GRIK2: variants seen among roughly 807,000 people sequenced by gnomAD.
GRIK2 encodes glutamate ionotropic receptor kainate type subunit 2.
GRIK2 carries 32 observed loss-of-function variants against 100.3 expected under a neutral mutation model. The observed-to-expected ratio is 0.32, with a 90% CI of 0.24 to 0.43. The LOEUF is 0.43. Among genes scored for constraint, GRIK2 ranks in the 20% least tolerant of loss-of-function variants. GRIK2 has a pLI of 1.00. For missense variants in GRIK2, 843 were observed against 1,114.9 expected (o/e 0.76, Z 3.47); for synonymous variants, 417 against 389.4 (o/e 1.07, Z -0.83).
intron 8 of GRIK2, 114 bp downstream of exon 8, chr6:101,799,905 T>C: frequency 1.3e-6 from 1 of 788,478 alleles, no homozygotes; most frequent in Non-Finnish European, 2.0e-6. Context: ...ATTTAAATTT[T>C]CTCTCTTACT....
intron 10 of GRIK2, among the ~76,000 whole-genome samples, chr6:101,849,954 A>G (rs1784040297): frequency 6.6e-6 from 1 of 150,876 alleles, no homozygotes; most frequent in Admixed American, 6.7e-5. Context: ...TAAACTTTAC[A>G]AGTTTTTTAG....
chr6:101,662,984 T>C (rs778125345), intron 4 of GRIK2, among the ~76,000 whole-genome samples: 1 of 152,124 alleles, frequency 6.6e-6, no homozygotes, highest in Non-Finnish European at 1.5e-5. Flanking sequence ...CTAAAGACTT[T>C]GGGGTTGATG....
intron 12 of GRIK2, among the ~76,000 whole-genome samples, chr6:101,917,894 G>A (rs1487987244): frequency 1.3e-5 from 2 of 150,934 alleles, no homozygotes; most frequent in African/African-American, 4.9e-5. Flanking sequence ...TATGAAAATA[G>A]TATGTAATGA....
chr6:101,425,771 T>C (rs1052307949), intron 2 of GRIK2, among the ~76,000 whole-genome samples: 4 of 152,188 alleles, frequency 2.6e-5, no homozygotes, highest in African/African-American at 9.6e-5. Flanking sequence ...TTGTCAACTC[T>C]GCTCTCTGCA....
chr6:101,950,952 G>A (rs80267066), intron 14 of GRIK2, among the ~76,000 whole-genome samples: 3,394 of 152,102 alleles, frequency 0.022, 57 homozygotes, highest in Non-Finnish European at 0.036. Flanking sequence ...AAGCAAGGGC[G>A]GGCCATAGAT....
intron 4 of GRIK2, among the ~76,000 whole-genome samples, chr6:101,650,742 GA>G (rs1217937422): frequency 6.6e-6 from 1 of 151,944 alleles, no homozygotes; most frequent in Admixed American, 6.6e-5. Flanking sequence ...TGTTTCTAAG[GA>G]ACTATTTTAA....
rs60301711 is a variant in GRIK2, at chr6:101,719,138, G to GTTTTTTTTT, written c.951+32815_951+32823dup. On this transcript the variant is annotated intron_variant, in intron 7 of 16. Coordinates refer to ENST00000369134, the MANE Select transcript of GRIK2 (RefSeq NM_021956.5). ...CTGAAATGTGCAACAGGCTGCAAGG[G>GTTTTTTTTT]TTTTTTTTTTTTTTTTTTTTTTTTT... 3.4e-4 allele frequency among the ~76,000 whole-genome samples: 34 copies of GTTTTTTTTT among 101,140 alleles called. 3 individuals are homozygous for GTTTTTTTTT. Among genetic ancestry groups the GTTTTTTTTT allele is most frequent in the African/African-American group, 1.5e-3 (31 of 20,120 alleles). The allele number at this position is 101,140 out of a possible 152,430, so 66.4% of individuals were successfully genotyped here.
intron 4 of GRIK2, among the ~76,000 whole-genome samples, chr6:101,631,396 A>G (rs1158614589): frequency 6.6e-6 from 1 of 152,166 alleles, no homozygotes; most frequent in Non-Finnish European, 1.5e-5. Context: ...ATGGGATTCT[A>G]TTCCCAGTTT....
At chr6:101,598,411 T>C (rs561013618) in intron 2 of GRIK2, among the ~76,000 whole-genome samples, 19 of 151,742 alleles carry the variant, frequency 1.3e-4, no homozygotes, top group African/African-American at 4.6e-4. Flanking sequence ...TCCTCTACTT[T>C]ATTAGCTTTG....
intron 2 of GRIK2, among the ~76,000 whole-genome samples, chr6:101,532,897 C>A (rs543946000): frequency 4.0e-5 from 6 of 151,662 alleles, no homozygotes; most frequent in African/African-American, 1.4e-4. Flanking sequence ...ATTTTTATAT[C>A]TTTAGTGCTG....
chr6:101,979,851 C>A (rs1411460282), intron 14 of GRIK2, among the ~76,000 whole-genome samples: 1 of 151,954 alleles, frequency 6.6e-6, no homozygotes, highest in Non-Finnish European at 1.5e-5. Context: ...GGTGCAGCAG[C>A]GAGCGCTTAG....
chr6:101,490,928 C>T (rs996085906), intron 2 of GRIK2, among the ~76,000 whole-genome samples: 1 of 138,960 alleles, frequency 7.2e-6, no homozygotes, highest in Non-Finnish European at 1.6e-5. Context: ...AACAGACATG[C>T]ATGCGTGCAC....
intron 15 of GRIK2, among the ~76,000 whole-genome samples, chr6:102,043,056 C>T (rs909760693): frequency 6.6e-6 from 1 of 151,488 alleles, no homozygotes; most frequent in African/African-American, 2.4e-5. Flanking sequence ...ATTTTATATG[C>T]CATATATAAG....
intron 10 of GRIK2, among the ~76,000 whole-genome samples, chr6:101,849,459 T>C (rs569602147): frequency 6.6e-6 from 1 of 152,232 alleles, no homozygotes; most frequent in South Asian, 2.1e-4. Flanking sequence ...CTGATAGTTA[T>C]AATGAACCAA....
intron 2 of GRIK2, among the ~76,000 whole-genome samples, chr6:101,432,202 C>T (rs572800190): frequency 1.9e-4 from 29 of 152,186 alleles, no homozygotes; most frequent in Admixed American, 7.9e-4. Context: ...TCAAGTCCCT[C>T]GTCCATATTT....
chr6:101,594,874 G>GT (rs1470383315), intron 2 of GRIK2, among the ~76,000 whole-genome samples: 2 of 151,420 alleles, frequency 1.3e-5, no homozygotes, highest in Non-Finnish European at 3.0e-5. Context: ...ATCTTTTTGT[G>GT]TTTTTTTCTC....
At position 101,978,316 on chromosome 6, in the gene GRIK2, A is replaced by G. The variant is rs139581477; in HGVS notation, c.2085+49684A>G. ...TATACATTTCTATATGTAATTATAA[A>G]GAGTTTTAAGAATAGTATATGCACA... On this transcript the variant is annotated intron_variant, in intron 14 of 16. Coordinates refer to ENST00000369134, the MANE Select transcript of GRIK2 (RefSeq NM_021956.5). 5.3e-3 allele frequency among the ~76,000 whole-genome samples: 801 copies of G among 152,134 alleles called. 5 individuals carry two copies. Among genetic ancestry groups the G allele is most frequent in the African/African-American group, 0.018 (753 of 41,556 alleles).
At chr6:101,401,149 G>C (rs916755138) in intron 2 of GRIK2, among the ~76,000 whole-genome samples, 4 of 152,130 alleles carry the variant, frequency 2.6e-5, no homozygotes, top group African/African-American at 9.7e-5. Context: ...TTGTGAATGA[G>C]TGTGCGTTAC....
chr6:101,450,042 A>G (rs1291334024), intron 2 of GRIK2, among the ~76,000 whole-genome samples: 3 of 151,724 alleles, frequency 2.0e-5, no homozygotes, highest in Non-Finnish European at 4.4e-5. Context: ...TTATTAATCA[A>G]TACATTGACT....
Sources: allele counts gnomAD v4.1 joint callset (sites outside exome capture counted in the v4.1 genomes callset), GRCh38; gene constraint gnomAD v4.1.1; transcripts MANE v1.5; gene names NCBI Gene and HGNC (gene_info 2026-07-23, HGNC 2026-07-21).